The following MEI1 variants were observed in gnomAD, a reference collection of about 807,000 sequenced individuals.
The protein encoded by MEI1 is meiotic double-stranded break formation protein 1, also known as meiosis inhibitor protein 1.
A neutral mutation model predicts 146.2 loss-of-function variants in MEI1; 103 were observed. The observed-to-expected ratio is 0.70, with a 90% confidence interval of 0.60 to 0.83. MEI1 has a LOEUF of 0.83. MEI1 is among the 40% of genes least tolerant of loss of function. The pLI is 0.00. For missense variants in MEI1, 1,529 were observed against 1,533.0 expected, an observed-to-expected ratio of 1.00 and a Z score of 0.04; for synonymous variants, 652 against 628.2, an observed-to-expected ratio of 1.04 and a Z score of -0.57.
intron 3 of MEI1, among the ~76,000 whole-genome samples, chr22:41,711,431 G>A (rs557532488): frequency 4.1e-4 from 62 of 152,260 alleles, no homozygotes; most frequent in African/African-American, 1.5e-3. Flanking sequence ...CCCCCCGGGG[G>A]ATTTTCCTTC....
chr22:41,707,662 G>A (rs375193651), intron 3 of MEI1, among the ~76,000 whole-genome samples: 2 of 152,250 alleles, frequency 1.3e-5, no homozygotes, highest in East Asian at 1.9e-4. Flanking sequence ...GTGTTAAGGG[G>A]ATACTTACAT....
intron 6 of MEI1, among the ~76,000 whole-genome samples, chr22:41,718,930 G>C (rs1309657782): frequency 6.6e-6 from 1 of 150,806 alleles, no homozygotes; most frequent in Non-Finnish European, 1.5e-5. Context: ...TGAGTCCAGT[G>C]GTGCTTTCTC....
At chr22:41,794,342 A>G in intron 27 of MEI1, 29 bp from the exon 28 acceptor site, 1 of 1,583,858 alleles carries the variant, frequency 6.3e-7, no homozygotes, top group Non-Finnish European at 8.7e-7. Flanking sequence ...AAGGTCTTGG[A>G]AGCATTAACA....
intron 12 of MEI1, among the ~76,000 whole-genome samples, chr22:41,744,087 G>T (rs532431856): frequency 4.5e-4 from 69 of 151,982 alleles, no homozygotes; most frequent in African/African-American, 1.4e-3. Flanking sequence ...GTGTTGGCCA[G>T]GCTGGTCTCG....
chr22:41,772,724 A>G (rs2075249458), intron 20 of MEI1, among the ~76,000 whole-genome samples: 1 of 152,186 alleles, frequency 6.6e-6, no homozygotes, highest in Non-Finnish European at 1.5e-5. Flanking sequence ...CTCCCTATCT[A>G]TCAGTTGTTC....
intron 5 of MEI1, among the ~76,000 whole-genome samples, chr22:41,717,094 T>C (rs1208993283): frequency 6.6e-6 from 1 of 152,076 alleles, no homozygotes; most frequent in Non-Finnish European, 1.5e-5. Context: ...GTCAGTGAAA[T>C]GCAAATAAAT....
intron 19 of MEI1, among the ~76,000 whole-genome samples, chr22:41,765,859 C>CAAAT (rs1393560724): frequency 6.9e-6 from 1 of 144,966 alleles, no homozygotes; most frequent in Non-Finnish European, 1.5e-5. Context: ...CATCAATAGT[C>CAAAT]AAATTTCACT....
intron 3 of MEI1, among the ~76,000 whole-genome samples, chr22:41,712,289 C>T (rs2069651944): frequency 6.7e-6 from 1 of 150,234 alleles, no homozygotes; most frequent in South Asian, 2.1e-4. Context: ...GGCTGGAGTG[C>T]AGTGGCGCGA....
intron 23 of MEI1, 75 bp downstream of exon 23, chr22:41,781,469 TA>T: frequency 5.3e-6 from 7 of 1,321,280 alleles, no homozygotes; most frequent in Non-Finnish European, 7.4e-6. Flanking sequence ...TTTTTCATCT[TA>T]AAAAAACAAA....
At chr22:41,717,025 C>T (rs1272604952) in intron 5 of MEI1, among the ~76,000 whole-genome samples, 1 of 151,976 alleles carries the variant, frequency 6.6e-6, no homozygotes, top group Non-Finnish European at 1.5e-5. Flanking sequence ...TAAGTACCTA[C>T]TATGAACCTT....
intron 14 of MEI1, among the ~76,000 whole-genome samples, chr22:41,747,614 G>GTATC (rs1365253957): frequency 5.9e-5 from 9 of 151,942 alleles, no homozygotes; most frequent in Admixed American, 1.3e-4. Flanking sequence ...TGAGGCAGGA[G>GTATC]TATCGCTTGA....
chr22:41,798,341 C>T (rs2076447059), intron 30 of MEI1, among the ~76,000 whole-genome samples: 1 of 150,788 alleles, frequency 6.6e-6, no homozygotes, highest in African/African-American at 2.4e-5. Flanking sequence ...CTTTGGGAGG[C>T]CAAGGTGGGC....
chr22:41,794,585 G>A (rs2076299302), intron 28 of MEI1, 108 bp downstream of exon 28: 2 of 870,438 alleles, frequency 2.3e-6, no homozygotes, highest in East Asian at 4.9e-5. Context: ...TAAAGAAGGT[G>A]GAAGGGCTCG....
At chr22:41,709,967 T>G (rs778845260) in intron 3 of MEI1, among the ~76,000 whole-genome samples, 1 of 152,050 alleles carries the variant, frequency 6.6e-6, no homozygotes, top group African/African-American at 2.4e-5. Flanking sequence ...TAAATTTATA[T>G]GTACCCCCCA....
intron 19 of MEI1, among the ~76,000 whole-genome samples, chr22:41,766,896 C>T (rs1302336847): frequency 2.0e-5 from 3 of 152,046 alleles, no homozygotes; most frequent in African/African-American, 7.2e-5. Context: ...GGAAGTTGTT[C>T]TGATTAGAGT....
At chr22:41,782,566 C>G (rs1379078825) in intron 24 of MEI1, among the ~76,000 whole-genome samples, 1 of 152,218 alleles carries the variant, frequency 6.6e-6, no homozygotes, top group African/African-American at 2.4e-5. Flanking sequence ...CTGCTAGCCT[C>G]TGTGGTATCC....
At chr22:41,745,859 G>A (rs966322131) in intron 13 of MEI1, 26 bp from the exon 14 acceptor site, 32 of 1,588,482 alleles carry the variant, frequency 2.0e-5, no homozygotes, top group Non-Finnish European at 2.7e-5. Flanking sequence ...GGTGGTAGTG[G>A]ATATACTCAC....
rs113995345 is a variant in MEI1 at position 41,779,796 on chromosome 22, C to T, written c.2815+984C>T. Among the ~76,000 whole-genome samples the T allele has an allele frequency of 7.4e-4, 112 of 152,300 alleles. 1 individual carries two copies. The highest frequency in any genetic ancestry group is 2.7e-3 in the African/African-American group (112 of 41,560). ...AGATCTGATGATCCAGTTCACAGTT[C>T]TCCAGGCTTTTTTCTTACCCACACC... On this transcript the variant is annotated intron_variant, in intron 22 of 30. Transcript: ENST00000401548.
At chr22:41,748,273 C>T in intron 15 of MEI1, 55 bp downstream of exon 15, 1 of 1,108,958 alleles carries the variant, frequency 9.0e-7, no homozygotes, top group Non-Finnish European at 1.4e-6. Flanking sequence ...TTAGGCAATG[C>T]TCAGAGAGTA....
Sources: gnomAD v4.1 joint callset for allele counts (sites outside exome capture counted in the v4.1 genomes callset) on GRCh38, gnomAD v4.1.1 for gene constraint, MANE v1.5 for transcripts, NCBI Gene and HGNC (gene_info 2026-07-23, HGNC 2026-07-21) for gene names.